The following DSE variants were observed in gnomAD, a reference collection of about 807,000 sequenced individuals.
The protein encoded by DSE is dermatan sulfate epimerase, also known as dermatan-sulfate epimerase.
In DSE, 36 loss-of-function variants were observed where a neutral mutation model predicts 84.4. The observed-to-expected ratio is 0.43, with a 90% CI of 0.33 to 0.56. The LOEUF (loss-of-function observed/expected upper bound fraction) is 0.56, where lower values mean the gene tolerates loss of function less well. Ranked by LOEUF, DSE falls within the 20% of genes least tolerant of loss-of-function variation. DSE has a pLI of 0.06. For missense variants in DSE, 862 were observed against 1,169.6 expected, an observed-to-expected ratio of 0.74 and a Z score of 3.84; for synonymous variants, 410 against 430.1, an observed-to-expected ratio of 0.95 and a Z score of 0.58.
chr6:116,440,001 T>G lies in DSE; in HGVS notation c.*2656T>G, dbSNP rs1474943760. On this transcript the variant is annotated 3_prime_UTR_variant, in exon 6 of 6. Coordinates refer to ENST00000644252, the MANE Select transcript of DSE (RefSeq NM_013352.4). ...TTATAACTGATTAGCTTATTTCAGT[T>G]GATGGTAGATGAGACCTATGGTGGT... 5 of 151,988 alleles carry G rather than the reference T, an allele frequency of 3.3e-5. No homozygotes were observed. Among genetic ancestry groups the G allele is most frequent in the African/African-American group, 1.2e-4 (5 of 41,362 alleles). 9.4% of individuals were successfully genotyped at this position (151,988 alleles called of 1,614,324 possible).
At chr6:116,423,139 T>C (rs2115055384) in intron 2 of DSE, 1 of 152,194 alleles carries the variant, frequency 6.6e-6, no homozygotes, top group East Asian at 1.9e-4. Flanking sequence ...GTCAGCTGTA[T>C]TTGTTCTCAA....
At chr6:116,311,119 T>C (rs913717549) in intron 2 of DSE, among the ~76,000 whole-genome samples, 2 of 152,172 alleles carry the variant, frequency 1.3e-5, no homozygotes, top group African/African-American at 4.8e-5. Flanking sequence ...CATATTTTGC[T>C]CAAATGCCAC....
At chr6:116,295,825 C>A (rs190120453) in intron 2 of DSE, among the ~76,000 whole-genome samples, 7 of 152,266 alleles carry the variant, frequency 4.6e-5, no homozygotes, top group Non-Finnish European at 5.9e-5. Context: ...GAAAGTAGAA[C>A]TTCATTAATT....
rs146113443 is a variant in DSE at position 116,275,690 on chromosome 6, C to T, written c.-54+16723C>T. The stretch of plus-strand genomic sequence containing the variant: ...TAGCACGTGCCTGTAGTCCCAGCTA[C>T]TCGGGAGGCTGATGCTGGAGAACTG... On this transcript the variant is annotated intron_variant, in intron 2 of 3. Transcript: ENST00000430252. 2.2e-3 allele frequency among the ~76,000 whole-genome samples: 331 copies of T among 151,990 alleles called. 1 individual carries two copies. Among genetic ancestry groups the T allele is most frequent in the African/African-American group, 7.8e-3 (324 of 41,424 alleles).
rs187873200 is a variant in DSE at position 116,344,296 on chromosome 6, A to G, written c.-53-54902A>G. ...GCAATACGGAGAATGCCACAAAGATACTCCTCCTGAAGAGCAACTCCAAGA... is the reference window on the plus strand; with the variant it reads ...GCAATACGGAGAATGCCACAAAGATGCTCCTCCTGAAGAGCAACTCCAAGA... On this transcript the variant is annotated intron_variant, in intron 2 of 3. Coordinates refer to the DSE transcript ENST00000430252. Among the ~76,000 whole-genome samples, 312 of 152,254 alleles carry G rather than the reference A, an allele frequency of 2.0e-3. 1 individual carries two copies. Among genetic ancestry groups the G allele is most frequent in the Middle Eastern group, 0.01 (3 of 294 alleles).
At position 116,277,154 on chromosome 6, in the gene DSE, A is replaced by T. The variant is rs192585221; in HGVS notation, c.-54+18187A>T. 97 of 152,734 alleles carry T rather than the reference A, an allele frequency of 6.4e-4. 1 individual carries two copies. Among genetic ancestry groups the T allele is most frequent in the African/African-American group, 2.1e-3 (88 of 41,568 alleles). The allele number at this position is 152,734 out of a possible 1,614,324, so 9.5% of individuals were successfully genotyped here. A position where few individuals can be genotyped will look rare whatever the true frequency, so the allele number is the denominator to read the frequency against. ...AATAAGTTTAGAATCAGAAAAAAAA[A>T]TTTTACTAAATCCTAATGAAATAAC... On this transcript the variant is annotated intron_variant, in intron 2 of 3. Coordinates refer to the DSE transcript ENST00000430252.
intron 1 of DSE, among the ~76,000 whole-genome samples, chr6:116,385,101 G>A (rs1057200509): frequency 5.9e-5 from 9 of 152,170 alleles, no homozygotes; most frequent in African/African-American, 1.7e-4. Flanking sequence ...ATGTGCAGGC[G>A]CTGAGGAGGG....
intron 2 of DSE, among the ~76,000 whole-genome samples, chr6:116,407,783 T>C (rs1341558427): frequency 6.6e-6 from 1 of 152,268 alleles, no homozygotes; most frequent in African/African-American, 2.4e-5. Flanking sequence ...AAGATCAATC[T>C]ATTTTCACCC....
chr6:116,373,542 TA>T (rs1196406377), intron 1 of DSE, among the ~76,000 whole-genome samples: 3 of 152,210 alleles, frequency 2.0e-5, no homozygotes, highest in Admixed American at 6.5e-5. Flanking sequence ...AGGACCATCT[TA>T]GTGACTAATG....
intron 2 of DSE, among the ~76,000 whole-genome samples, chr6:116,337,818 T>C (rs1196194603): frequency 6.6e-6 from 1 of 152,174 alleles, no homozygotes; most frequent in African/African-American, 2.4e-5. Context: ...ATGACCATTA[T>C]TAGTAAGCAA....
In DSE at chr6:116,437,310, T is replaced by C. The variant is rs146336077; in HGVS notation, c.2842T>C (p.Trp948Arg). 1.4e-4 allele frequency: 222 copies of C among 1,613,318 alleles called. No individual in the cohort carries two copies. The highest frequency in any genetic ancestry group is 1.8e-4 in the Non-Finnish European group (212 of 1,179,692). Reference protein sequence around the residue: ...VLLIDSCILLWLYSSCSQSQC With the variant: ...VLLIDSCILLRLYSSCSQSQC ...TCTCATAGATAGCTGTATTTTATTA[T>C]GGTTGTACTCTTCTTGTTCCCAATC... The change falls in exon 6 of 6, where the codon TGG becomes CGG. Residue 948 changes from tryptophan (W) to arginine (R), a missense_variant. By Grantham distance (101) the Trp-to-Arg change is moderately radical. Coordinates refer to ENST00000644252, the MANE Select transcript of DSE (RefSeq NM_013352.4).
chr6:116,422,359 T>C (rs183761236), intron 2 of DSE, among the ~76,000 whole-genome samples: 6 of 152,378 alleles, frequency 3.9e-5, no homozygotes, highest in African/African-American at 9.6e-5. Flanking sequence ...AACAAAGGCT[T>C]TCAGCTTTCC....
Position 116,433,593 on chromosome 6 carries a change from G to A in DSE, c.1118+43G>A, listed in dbSNP as rs9942469. The A allele has an allele frequency of 3.0e-3, 4,705 of 1,570,696 alleles. 91 individuals carry two copies. In the African/African-American group the frequency reaches 0.05, roughly 17 times the overall value. On this transcript the variant is annotated intron_variant, in intron 5 of 5. Transcript: ENST00000644252. Reference sequence around the variant, plus strand: ...AGCTTTAAAGAGAAATGGTACCCAAGGGTACTATTCATGCTATGCACTTGT... The same window carrying A: ...AGCTTTAAAGAGAAATGGTACCCAAAGGTACTATTCATGCTATGCACTTGT...
intron 1 of DSE, among the ~76,000 whole-genome samples, chr6:116,372,301 T>C (rs1378054566): frequency 6.6e-6 from 1 of 152,110 alleles, no homozygotes; most frequent in Non-Finnish European, 1.5e-5. Flanking sequence ...ACCCCGTCTC[T>C]ACTAAAAATA....
chr6:116,380,728 G>A (rs1780171844), intron 1 of DSE, among the ~76,000 whole-genome samples: 1 of 152,176 alleles, frequency 6.6e-6, no homozygotes. Context: ...CTGCCTCCCA[G>A]CAGTTTATAC....
chr6:116,303,961 C>G (rs1775189948), intron 2 of DSE, among the ~76,000 whole-genome samples: 1 of 151,866 alleles, frequency 6.6e-6, no homozygotes, highest in Non-Finnish European at 1.5e-5. Flanking sequence ...TGGTGAAACC[C>G]CGTCTGTACT....
chr6:116,292,980 G>A (rs2114678714), intron 2 of DSE, among the ~76,000 whole-genome samples: 1 of 152,284 alleles, frequency 6.6e-6, no homozygotes, highest in African/African-American at 2.4e-5. Context: ...AGGATGGGAA[G>A]GGGACTTTAG....
chr6:116,433,493 G>A lies in DSE; in HGVS notation c.1061G>A (p.Gly354Asp). ...DQIRRNRVVE[G>D]PGTPSKGQRW... ...ATCAGAAGGAACCGTGTGGTGGAAG[G>A]TCCAGGAACACCATCCAAAGGGCAG... Residue 354 changes from glycine (G) to aspartate (D), a missense_variant, in exon 5 of 6, where the codon GGT becomes GAT. Gly to Asp is a moderately conservative substitution (Grantham distance 94). Transcript: ENST00000644252. 1 of 1,566,120 alleles carries A rather than the reference G, an allele frequency of 6.4e-7. No individual in the cohort carries two copies. The highest frequency in any genetic ancestry group is 2.3e-5 in the East Asian group (1 of 42,746).
At chr6:116,259,825 CT>C (rs1292398199) in intron 2 of DSE, among the ~76,000 whole-genome samples, 1 of 152,164 alleles carries the variant, frequency 6.6e-6, no homozygotes, top group African/African-American at 2.4e-5. Flanking sequence ...TGATCTCATT[CT>C]TTTTTATGGC....
Sources: allele counts gnomAD v4.1 joint callset (sites outside exome capture counted in the v4.1 genomes callset), GRCh38; gene constraint gnomAD v4.1.1; transcripts MANE v1.5; gene names NCBI Gene and HGNC (gene_info 2026-07-23, HGNC 2026-07-21).